Variants in PDE1A observed in about 807,000 individuals in gnomAD.
The protein encoded by PDE1A is phosphodiesterase 1A.
A neutral mutation model predicts 61.7 loss-of-function variants in PDE1A; 35 were observed. That is an observed-to-expected ratio of 0.57 (90% confidence interval 0.43 to 0.75). PDE1A has a LOEUF of 0.75. Ranked by LOEUF, PDE1A falls within the 30% of genes least tolerant of loss-of-function variation. The pLI is 0.00. For missense variants in PDE1A, 597 were observed against 630.6 expected, an observed-to-expected ratio of 0.95 and a Z score of 0.57; for synonymous variants, 232 against 213.2, an observed-to-expected ratio of 1.09 and a Z score of -0.77.
intron 2 of PDE1A, among the ~76,000 whole-genome samples, chr2:182,243,535 T>C (rs1690722598): frequency 6.6e-6 from 1 of 152,056 alleles, no homozygotes; most frequent in African/African-American, 2.4e-5. Context: ...GTGACCCAAG[T>C]TGGGAGGCAA....
chr2:182,583,254 C>G, the PDE1A span, among the ~76,000 whole-genome samples: 1 of 152,042 alleles, frequency 6.6e-6, no homozygotes, highest in Non-Finnish European at 1.5e-5. Flanking sequence ...TGAAAGAGAA[C>G]AGCAAAATAT....
At chr2:182,211,322 CTA>C (rs1687577399) in intron 7 of PDE1A, among the ~76,000 whole-genome samples, 1 of 152,166 alleles carries the variant, frequency 6.6e-6, no homozygotes, top group African/African-American at 2.4e-5. Flanking sequence ...GATCAGTTGA[CTA>C]TATTTTTTGT....
At chr2:182,628,587 T>C in the PDE1A span, among the ~76,000 whole-genome samples, 2 of 152,170 alleles carry the variant, frequency 1.3e-5, no homozygotes, top group Admixed American at 1.3e-4. Flanking sequence ...CAATGTATAG[T>C]ATTAGTACTC....
chr2:182,539,404 C>T, the PDE1A span, among the ~76,000 whole-genome samples: 1 of 152,130 alleles, frequency 6.6e-6, no homozygotes, highest in African/African-American at 2.4e-5. Flanking sequence ...GTCCCTAGAA[C>T]AAACAGTGAG....
chr2:182,710,264 AT>A, the PDE1A span, among the ~76,000 whole-genome samples: 1 of 152,240 alleles, frequency 6.6e-6, no homozygotes, highest in African/African-American at 2.4e-5. Flanking sequence ...TATATTCAAC[AT>A]ATACAACATG....
At chr2:182,206,264 T>C (rs1418166587) in intron 7 of PDE1A, among the ~76,000 whole-genome samples, 199 bp from the exon 8 acceptor site, 1 of 152,208 alleles carries the variant, frequency 6.6e-6, no homozygotes, top group Non-Finnish European at 1.5e-5. Flanking sequence ...TAGAGAAGTT[T>C]TAGGCTCACA....
the PDE1A span, among the ~76,000 whole-genome samples, chr2:182,540,259 G>A: frequency 6.6e-6 from 1 of 151,580 alleles, no homozygotes; most frequent in Non-Finnish European, 1.5e-5. Flanking sequence ...AGCTACTCGG[G>A]AGCCTGAGGC....
intron 1 of PDE1A, among the ~76,000 whole-genome samples, chr2:182,376,283 A>G (rs1182452243): frequency 1.3e-5 from 2 of 152,170 alleles, no homozygotes; most frequent in Non-Finnish European, 2.9e-5. Flanking sequence ...AATGCCTTTA[A>G]CAGCACCCAA....
the PDE1A span, among the ~76,000 whole-genome samples, chr2:182,567,776 T>TTTTTTTCTTTTTTTC: frequency 2.6e-5 from 4 of 151,418 alleles, no homozygotes; most frequent in Admixed American, 6.6e-5. Context: ...ATGTTTACTT[T>TTTTTTTCTTTTTTTC]TTTTTTCTTT....
intron 1 of PDE1A, among the ~76,000 whole-genome samples, chr2:182,353,140 T>A (rs369479552): frequency 6.6e-6 from 1 of 152,194 alleles, no homozygotes; most frequent in Non-Finnish European, 1.5e-5. Context: ...AACAGACACT[T>A]GCTCATGGCA....
At chr2:182,560,064 C>CTTT in the PDE1A span, among the ~76,000 whole-genome samples, 1 of 140,382 alleles carries the variant, frequency 7.1e-6, no homozygotes, top group Non-Finnish European at 1.6e-5. Flanking sequence ...GATAGGGATT[C>CTTT]TTTTTTTTTT....
chr2:182,511,490 T>TA (rs1372211928), intron 2 of PDE1A, among the ~76,000 whole-genome samples: 1 of 152,028 alleles, frequency 6.6e-6, no homozygotes, highest in Non-Finnish European at 1.5e-5. Flanking sequence ...CCATGACACA[T>TA]ACTGACTTTT....
intron 1 of PDE1A, among the ~76,000 whole-genome samples, chr2:182,425,360 T>C (rs745364644): frequency 2.0e-5 from 3 of 152,170 alleles, no homozygotes; most frequent in Non-Finnish European, 4.4e-5. Context: ...GGAAATATGG[T>C]AGGTGAATAT....
At chr2:182,606,072 T>C in the PDE1A span, among the ~76,000 whole-genome samples, 3 of 152,232 alleles carry the variant, frequency 2.0e-5, no homozygotes, top group Non-Finnish European at 4.4e-5. Context: ...TATGACTTTA[T>C]TACAATGACT....
chr2:182,644,263 C>CTGTGTGTGTGTGTGTG, the PDE1A span, among the ~76,000 whole-genome samples: 296 of 123,080 alleles, frequency 2.4e-3, 3 homozygotes, highest in South Asian at 0.011. Context: ...TCTTAAGACT[C>CTGTGTGTGTGTGTGTG]TGTGTGTGTG....
chr2:182,154,795 A>T (rs764589538), intron 13 of PDE1A, among the ~76,000 whole-genome samples: 1 of 152,178 alleles, frequency 6.6e-6, no homozygotes, highest in African/African-American at 2.4e-5. Context: ...TACAGAAATC[A>T]TTTAAAAAAC....
chr2:182,212,475 C>G (rs527281688), intron 7 of PDE1A, among the ~76,000 whole-genome samples: 1 of 152,148 alleles, frequency 6.6e-6, no homozygotes, highest in Non-Finnish European at 1.5e-5. Context: ...ACGCAGAAGA[C>G]GGTGATTTCT....
intron 1 of PDE1A, among the ~76,000 whole-genome samples, chr2:182,344,458 A>G (rs1422037620): frequency 6.6e-6 from 1 of 151,874 alleles, no homozygotes; most frequent in African/African-American, 2.4e-5. Context: ...TTGTCTCCAG[A>G]CTCCATACTA....
At chr2:182,361,075 C>A (rs148262867) in intron 1 of PDE1A, among the ~76,000 whole-genome samples, 1 of 152,010 alleles carries the variant, frequency 6.6e-6, no homozygotes, top group Non-Finnish European at 1.5e-5. Context: ...CATTACACAC[C>A]GGCCGAAACT....
Sources: gnomAD v4.1 joint callset for allele counts (sites outside exome capture counted in the v4.1 genomes callset) on GRCh38, gnomAD v4.1.1 for gene constraint, MANE v1.5 for transcripts, NCBI Gene and HGNC (gene_info 2026-07-23, HGNC 2026-07-21) for gene names.